The following CNNM2 variants were observed in gnomAD, a reference collection of about 807,000 sequenced individuals.
CNNM2 encodes cyclin and CBS domain divalent metal cation transport mediator 2, also known as metal transporter CNNM2.
A neutral mutation model predicts 66.9 loss-of-function variants in CNNM2; 12 were observed. The ratio of observed to expected loss-of-function variants is 0.18; its 90% confidence interval spans 0.11 to 0.29. The LOEUF (loss-of-function observed/expected upper bound fraction) is 0.29. CNNM2 is among the 10% of genes least tolerant of loss of function. The probability of loss-of-function intolerance (pLI) is 1.00; values close to 1 mark genes in which losing one functional copy is unlikely to be tolerated. For synonymous variants in CNNM2, 557 were observed against 501.8 expected, an observed-to-expected ratio of 1.11 and a Z score of -1.47; for missense variants, 705 against 1,167.7, an observed-to-expected ratio of 0.60 and a Z score of 5.77.
rs1329361943 is a variant in CNNM2 at position 103,078,299 on chromosome 10, C to G, written c.*1119C>G. 6.6e-6 allele frequency: 1 copy of G among 152,320 alleles called. No homozygotes were observed. Among genetic ancestry groups the G allele is most frequent in the East Asian group, 1.9e-4 (1 of 5,194 alleles). The allele number at this position is 152,320 out of a possible 1,614,324, so 9.4% of individuals were successfully genotyped here. A position where few individuals can be genotyped will look rare whatever the true frequency, so the allele number is the denominator to read the frequency against. On this transcript the variant is annotated 3_prime_UTR_variant, in exon 8 of 8. Transcript: ENST00000369878. ...AGGAGGGAACTTTGGGGATTGCCAG[C>G]CCCTGCTCCTCCTCCCAGGGAGCCA...
At chr10:102,946,736 G>T (rs930553667) in intron 1 of CNNM2, among the ~76,000 whole-genome samples, 1 of 152,176 alleles carries the variant, frequency 6.6e-6, no homozygotes, top group Non-Finnish European at 1.5e-5. Context: ...GCCTGAAAGA[G>T]TTACTTCACT....
intron 1 of CNNM2, among the ~76,000 whole-genome samples, chr10:103,041,315 T>C (rs949909820): frequency 1.3e-5 from 2 of 152,200 alleles, no homozygotes; most frequent in Non-Finnish European, 2.9e-5. Context: ...GCTGTGTGTG[T>C]GTACCTATTC....
intron 1 of CNNM2, among the ~76,000 whole-genome samples, chr10:102,930,260 A>G (rs970385747): frequency 6.6e-6 from 1 of 152,346 alleles, no homozygotes; most frequent in East Asian, 1.9e-4. Context: ...GATTATTTGC[A>G]CGGAATATAG....
In CNNM2 at chr10:103,038,259, T is replaced by A. The variant is rs150184698; in HGVS notation, c.1622-11448T>A. Among the ~76,000 whole-genome samples, 7 of 152,312 alleles carry A rather than the reference T, an allele frequency of 4.6e-5. No individual in the cohort carries two copies. The East Asian group carries it at 1.4e-3, about 29-fold the overall frequency. On this transcript the variant is annotated intron_variant, in intron 1 of 7. Transcript: ENST00000369878. The stretch of plus-strand genomic sequence containing the variant: ...TGTAAAATCTGAGAACCACCTAGAT[T>A]AGTTTTTCTCAATGTATAATATTTC...
At position 103,083,009 on chromosome 10, in the gene CNNM2, C is replaced by T. The variant is rs2065772079; in HGVS notation, c.*5829C>T. On this transcript the variant is annotated 3_prime_UTR_variant, in exon 8 of 8. Transcript: ENST00000369878. Reference sequence around the variant, plus strand: ...TGGATAATGGAAGCTGCCTGCCTATCTGGGCTCTTAATATGCCTTTTCTTG... The same window carrying T: ...TGGATAATGGAAGCTGCCTGCCTATTTGGGCTCTTAATATGCCTTTTCTTG... 6.6e-6 allele frequency: 1 copy of T among 152,192 alleles called. No individual in the cohort carries two copies. The highest frequency in any genetic ancestry group is 6.5e-5 in the Admixed American group (1 of 15,284). 9.4% of individuals were successfully genotyped at this position (152,192 alleles called of 1,614,324 possible). A position where few individuals can be genotyped will look rare whatever the true frequency, so the allele number is the denominator to read the frequency against.
At chr10:103,071,394 A>G (rs2065578637) in intron 5 of CNNM2, among the ~76,000 whole-genome samples, 1 of 152,224 alleles carries the variant, frequency 6.6e-6, no homozygotes, top group African/African-American at 2.4e-5. Context: ...ATTGGGGTGC[A>G]GGCGCCAGCG....
chr10:102,928,455 G>A (rs189152961), intron 1 of CNNM2, among the ~76,000 whole-genome samples: 57 of 151,988 alleles, frequency 3.8e-4, no homozygotes, highest in African/African-American at 7.7e-4. Flanking sequence ...GGTGGTGGGC[G>A]CCTGTAATTC....
At chr10:103,015,713 C>T (rs1227298086) in intron 1 of CNNM2, among the ~76,000 whole-genome samples, 1 of 151,992 alleles carries the variant, frequency 6.6e-6, no homozygotes, top group African/African-American at 2.4e-5. Context: ...ATTAGCCAGG[C>T]GTAGTGCTGC....
chr10:102,926,712 ATTTTTTT>A (rs376861078), intron 1 of CNNM2, among the ~76,000 whole-genome samples: 4,354 of 113,794 alleles, frequency 0.038, 96 homozygotes, highest in Middle Eastern at 0.078. Flanking sequence ...CACCCAGCTA[ATTTTTTT>A]TTTTTTTTTT....
chr10:102,944,979 G>GTTTTTTGTTTTTTTT (rs1554890617), intron 1 of CNNM2, among the ~76,000 whole-genome samples: 1 of 140,654 alleles, frequency 7.1e-6, no homozygotes. Context: ...TTTGTTTTTT[G>GTTTTTTGTTTTTTTT]TTTTTTTTTT....
At chr10:102,950,981 C>CTTTTTTTTT (rs34870588) in intron 1 of CNNM2, among the ~76,000 whole-genome samples, 35 of 80,498 alleles carry the variant, frequency 4.3e-4, no homozygotes, top group Non-Finnish European at 5.5e-4. Context: ...CTTTCTTTCT[C>CTTTTTTTTT]TTTTTTTTTT....
rs762382971 is a variant in CNNM2 at position 103,054,368 on chromosome 10, G to A, written c.1805G>A (p.Arg602Gln). The A allele has an allele frequency of 3.0e-5, 49 of 1,613,626 alleles. No homozygotes were observed. Among genetic ancestry groups the A allele is most frequent in the Non-Finnish European group, 3.9e-5 (46 of 1,179,856 alleles). Residue 602 changes from arginine (R) to glutamine (Q), a missense_variant, in exon 3 of 8, where the codon CGA (arginine) becomes CAA (glutamine). By Grantham distance (43) the Arg-to-Gln change is conservative (BLOSUM62 1). Around this residue, in one of 9 missense-constraint regions of CNNM2, gnomAD observed 171 missense variants for 304.8 expected, o/e 0.56. Transcript: ENST00000369878. This position sits in a 1 kb window ranked among gnomAD's most constrained non-coding sequence, Gnocchi z 5.2. ...AAAAAGAAAGTGGCTCACCGGGAAC[G>A]AAAGCAAGATTTTTCTGCCTTTAAG... ...RTKKKVAHRE[R>Q]KQDFSAFKQT...
chr10:102,930,396 TG>T (rs1401026848), intron 1 of CNNM2, among the ~76,000 whole-genome samples: 1 of 152,202 alleles, frequency 6.6e-6, no homozygotes, highest in African/African-American at 2.4e-5. Context: ...ACTTTGTACA[TG>T]ATATACCTGG....
In CNNM2 at chr10:103,077,413, G is replaced by A. The variant is rs1326665680; in HGVS notation, c.*233G>A. 2.0e-6 allele frequency: 1 copy of A among 505,884 alleles called. No individual in the cohort carries two copies. Among genetic ancestry groups the A allele is most frequent in the African/African-American group, 1.9e-5 (1 of 52,710 alleles). 31.3% of individuals were successfully genotyped at this position (505,884 alleles called of 1,614,324 possible). On this transcript the variant is annotated 3_prime_UTR_variant, in exon 8 of 8. Coordinates refer to ENST00000369878, the MANE Select transcript of CNNM2 (RefSeq NM_017649.5). ...GCATGGCGTTCAAGATTTTGGAGAT[G>A]AACTGATTCCGCCCAAATAGAATCA...
At chr10:103,013,973 A>G (rs535790268) in intron 1 of CNNM2, among the ~76,000 whole-genome samples, 7 of 152,204 alleles carry the variant, frequency 4.6e-5, no homozygotes, top group African/African-American at 1.7e-4. Flanking sequence ...CCCTTAAGAC[A>G]ATTAGGACCT....
chr10:102,942,175 G>A (rs1476085472), intron 1 of CNNM2, among the ~76,000 whole-genome samples: 1 of 152,110 alleles, frequency 6.6e-6, no homozygotes, highest in Non-Finnish European at 1.5e-5. Flanking sequence ...AAACATTTCT[G>A]TAAAATATAA....
chr10:103,077,867 T>G lies in CNNM2; in HGVS notation c.*687T>G, dbSNP rs1345420433. 6.6e-6 allele frequency: 1 copy of G among 152,662 alleles called. No homozygotes were observed. The highest frequency in any genetic ancestry group is 6.5e-5 in the Admixed American group (1 of 15,284). The allele number at this position is 152,662 out of a possible 1,614,324, so 9.5% of individuals were successfully genotyped here. A position where few individuals can be genotyped will look rare whatever the true frequency, so the allele number is the denominator to read the frequency against. On this transcript the variant is annotated 3_prime_UTR_variant, in exon 8 of 8. Coordinates refer to ENST00000369878, the MANE Select transcript of CNNM2 (RefSeq NM_017649.5). The stretch of plus-strand genomic sequence containing the variant: ...TGTACCCCTTTCCCTCAGGAAGATT[T>G]AACATTTGCTTGGGAATGTGATTTT...
At chr10:102,986,737 G>A (rs1405001415) in intron 1 of CNNM2, among the ~76,000 whole-genome samples, 8 of 141,368 alleles carry the variant, frequency 5.7e-5, no homozygotes, top group Non-Finnish European at 1.1e-4. Context: ...CCGAGATTGC[G>A]CCACTGCACT....
At position 103,028,459 on chromosome 10, in the gene CNNM2, T is replaced by A. The variant is rs190717096; in HGVS notation, c.1622-21248T>A. Among the ~76,000 whole-genome samples, 11 of 152,258 alleles carry A rather than the reference T, an allele frequency of 7.2e-5. No individual in the cohort carries two copies. In the East Asian group the frequency reaches 1.4e-3, roughly 19 times the overall value. ...GCACAACAGAGGAAGGAGCACAGGG[T>A]TTGATTTCTACTTGTTTTTCAAGTG... On this transcript the variant is annotated intron_variant, in intron 1 of 7. Transcript: ENST00000369878.
Sources: gnomAD v4.1 joint callset for allele counts (sites outside exome capture counted in the v4.1 genomes callset) on GRCh38, gnomAD v4.1.1 for gene constraint, gnomAD v4.1.1 regional missense constraint, Gnocchi (gnomAD v3.1) non-coding constraint, MANE v1.5 for transcripts, NCBI Gene and HGNC (gene_info 2026-07-23, HGNC 2026-07-21) for gene names.